Variants in EMILIN2 observed in about 807,000 individuals in gnomAD.
The protein encoded by EMILIN2 is elastin microfibril interfacer 2, also known as EMILIN-2.
Under a neutral mutation model 87.1 loss-of-function variants are expected in EMILIN2, and 71 were observed. The observed-to-expected ratio is 0.82, with a 90% CI of 0.67 to 0.99. The LOEUF (loss-of-function observed/expected upper bound fraction) is 0.99. EMILIN2 is among the 50% of genes least tolerant of loss of function. The pLI is 0.00. For synonymous variants in EMILIN2, 581 were observed against 563.4 expected, an observed-to-expected ratio of 1.03 and a Z score of -0.44; for missense variants, 1,407 against 1,371.8, an observed-to-expected ratio of 1.03 and a Z score of -0.40.
At chr18:2,907,116 C>G (rs1169503604) in intron 5 of EMILIN2, 31 bp downstream of exon 5, 2 of 1,230,718 alleles carry the variant, frequency 1.6e-6, no homozygotes, top group South Asian at 4.0e-5. Context: ...GGGAGGAGCG[C>G]GGGGCTCTCC....
At chr18:2,885,929 C>T (rs1253759582) in intron 3 of EMILIN2, among the ~76,000 whole-genome samples, 2 of 152,276 alleles carry the variant, frequency 1.3e-5, no homozygotes, top group Non-Finnish European at 2.9e-5. Flanking sequence ...GTTTGAAACT[C>T]GTAGTTCTTC....
At position 2,847,040 on chromosome 18, in the gene EMILIN2, C is replaced by G. The variant is rs928832391; in HGVS notation, c.-149C>G. 4 of 1,056,470 alleles carry G rather than the reference C, an allele frequency of 3.8e-6. No individual in the cohort carries two copies. Among genetic ancestry groups the G allele is most frequent in the Non-Finnish European group, 4.6e-6 (4 of 870,600 alleles). The allele number at this position is 1,056,470 out of a possible 1,614,324, so 65.4% of individuals were successfully genotyped here. A position where few individuals can be genotyped will look rare whatever the true frequency, so the allele number is the denominator to read the frequency against. ...AGTAGGAACGAGAAGCCGGAGGGGG[C>G]GGCCGCGGAGCACTGGTTGGAGCGC... On this transcript the variant is annotated 5_prime_UTR_variant, in exon 1 of 8. Transcript: ENST00000254528. The surrounding 1 kb of genome is among the most constrained non-coding windows in gnomAD (Gnocchi z 4.5).
At chr18:2,889,576 T>TC (rs926713829) in intron 3 of EMILIN2, among the ~76,000 whole-genome samples, 3 of 152,160 alleles carry the variant, frequency 2.0e-5, no homozygotes, top group East Asian at 1.9e-4. Context: ...TCACTATCAT[T>TC]CCCCCCTTAT....
Position 2,879,733 on chromosome 18 carries a change from T to C in EMILIN2, c.258-5231T>C, listed in dbSNP as rs564071414. Reference sequence around the variant, plus strand: ...TTTGATTGATTTATTTTTTGAGGTATGGTCTCTGTCGCCCAGGCTGGAGTG... The same window carrying C: ...TTTGATTGATTTATTTTTTGAGGTACGGTCTCTGTCGCCCAGGCTGGAGTG... On this transcript the variant is annotated intron_variant, in intron 2 of 7. Coordinates refer to ENST00000254528, the MANE Select transcript of EMILIN2 (RefSeq NM_032048.3). Among the ~76,000 whole-genome samples the C allele has an allele frequency of 7.3e-5, 11 of 151,478 alleles. 1 individual carries two copies. In the South Asian group the frequency reaches 2.3e-3, roughly 32 times the overall value.
At chr18:2,850,317 T>G (rs542061835) in intron 2 of EMILIN2, among the ~76,000 whole-genome samples, 1 of 152,148 alleles carries the variant, frequency 6.6e-6, no homozygotes, top group African/African-American at 2.4e-5. Context: ...GAGGAATGGC[T>G]GTTTCACATG....
rs59792106 is a variant in EMILIN2, at chr18:2,873,492, G to C, written c.258-11472G>C. Among the ~76,000 whole-genome samples the C allele has an allele frequency of 8.8e-3, 1,337 of 152,050 alleles. 18 individuals carry two copies. The highest frequency in any genetic ancestry group is 0.031 in the African/African-American group (1,275 of 41,396). ...GGAGGCCGAGGCGGGTGGATCACGA[G>C]GTCAGGAGATCGAGACCATCCTGGC... On this transcript the variant is annotated intron_variant, in intron 2 of 7. Coordinates refer to ENST00000254528, the MANE Select transcript of EMILIN2 (RefSeq NM_032048.3).
chr18:2,906,712 G>T, intron 4 of EMILIN2, 71 bp from the exon 5 acceptor site: 2 of 1,148,768 alleles, frequency 1.7e-6, no homozygotes, highest in Non-Finnish European at 2.2e-6. Flanking sequence ...CTCATGGAGG[G>T]GACCCTGACG....
At chr18:2,902,567 G>C (rs1432173645) in intron 4 of EMILIN2, among the ~76,000 whole-genome samples, 1 of 152,178 alleles carries the variant, frequency 6.6e-6, no homozygotes, top group Non-Finnish European at 1.5e-5. Flanking sequence ...CATGGTAAAG[G>C]CACGAAGCCA....
At position 2,880,429 on chromosome 18, in the gene EMILIN2, G is replaced by A. The variant is rs920093326; in HGVS notation, c.258-4535G>A. On this transcript the variant is annotated intron_variant, in intron 2 of 7. Coordinates refer to ENST00000254528, the MANE Select transcript of EMILIN2 (RefSeq NM_032048.3). This position sits in a 1 kb window ranked among gnomAD's most constrained non-coding sequence, Gnocchi z 4.1. ...CGGGCAAAGGAGACTTGGCTGGAAT[G>A]GGGGAGAGTTCACAGGGGCGAGGCG... Among the ~76,000 whole-genome samples the A allele has an allele frequency of 2.6e-5, 4 of 152,336 alleles. No homozygotes were observed. Among genetic ancestry groups the A allele is most frequent in the Admixed American group, 2.6e-4 (4 of 15,308 alleles).
At position 2,847,943 on chromosome 18, in the gene EMILIN2, A is replaced by T. The variant is rs1220578886; in HGVS notation, c.257+12A>T. Reference sequence around the variant, plus strand: ...CCGTCGGCGCTGGTGTAAGTCCTGGAGCCGGGGAGCGGGCGGGGCGCGCCC... The same window carrying T: ...CCGTCGGCGCTGGTGTAAGTCCTGGTGCCGGGGAGCGGGCGGGGCGCGCCC... On this transcript the variant is annotated intron_variant, in intron 2 of 7. Coordinates refer to ENST00000254528, the MANE Select transcript of EMILIN2 (RefSeq NM_032048.3). This position sits in a 1 kb window ranked among gnomAD's most constrained non-coding sequence, Gnocchi z 4.5. 1 of 1,578,334 alleles carries T rather than the reference A, an allele frequency of 6.3e-7. No individual in the cohort carries two copies. The highest frequency in any genetic ancestry group is 8.6e-7 in the Non-Finnish European group (1 of 1,161,862).
At chr18:2,861,058 TC>T (rs1365502723) in intron 2 of EMILIN2, among the ~76,000 whole-genome samples, 1 of 152,222 alleles carries the variant, frequency 6.6e-6, no homozygotes, top group Non-Finnish European at 1.5e-5. Context: ...TCTGTTCATA[TC>T]CTTTGCCACT....
chr18:2,869,042 A>G (rs1403880578), intron 2 of EMILIN2, among the ~76,000 whole-genome samples: 2 of 151,948 alleles, frequency 1.3e-5, no homozygotes, highest in Non-Finnish European at 2.9e-5. Flanking sequence ...ATTAGACCTG[A>G]GTTCTCTATA....
At chr18:2,875,341 C>T (rs1005129153) in intron 2 of EMILIN2, among the ~76,000 whole-genome samples, 19 of 152,154 alleles carry the variant, frequency 1.2e-4, no homozygotes, top group Admixed American at 2.6e-4. Flanking sequence ...TTCTCATGGC[C>T]GTGCCGTGGG....
chr18:2,890,630 G>T lies in EMILIN2; in HGVS notation c.503G>T (p.Trp168Leu), dbSNP rs779996112. 6.8e-6 allele frequency: 11 copies of T among 1,613,326 alleles called. No homozygotes were observed. The East Asian group carries it at 1.1e-4, about 16-fold the overall frequency. The change falls in exon 4 of 8, where the codon TGG (tryptophan) becomes TTG (leucine). Residue 168 changes from tryptophan to leucine, a missense_variant. Trp to Leu is a moderately conservative substitution (Grantham distance 61). Transcript: ENST00000254528. The surrounding 1 kb of genome is among the most constrained non-coding windows in gnomAD (Gnocchi z 4.7). ...LSPTGTAQPS[W>L]GVDPKEGPQE... ...CCAACTGGTACAGCACAACCAAGCTGGGGGGTAGATCCAAAAGAGGGGCCT... is the reference window on the plus strand; with the variant it reads ...CCAACTGGTACAGCACAACCAAGCTTGGGGGTAGATCCAAAAGAGGGGCCT...
chr18:2,857,896 G>A (rs748824445), intron 2 of EMILIN2, among the ~76,000 whole-genome samples: 1 of 152,148 alleles, frequency 6.6e-6, no homozygotes, highest in Non-Finnish European at 1.5e-5. Context: ...TGGGCAATGC[G>A]CCCTTTCCCA....
rs1488746704 is a variant in EMILIN2, at chr18:2,894,447, G to C, written c.2359+1961G>C. ...TCAGCTCCTCTATCTCTGGAATGTT[G>C]AGTAGAGGTCACAAGACCATGTATG... is the stretch of plus-strand genomic sequence containing the variant. On this transcript the variant is annotated intron_variant, in intron 4 of 7. Transcript: ENST00000254528. The surrounding 1 kb of genome is among the most constrained non-coding windows in gnomAD (Gnocchi z 5.0). Among the ~76,000 whole-genome samples the C allele has an allele frequency of 3.9e-5, 6 of 152,190 alleles. No homozygotes were observed. The highest frequency in any genetic ancestry group is 1.5e-5 in the Non-Finnish European group (1 of 68,036).
Position 2,884,990 on chromosome 18 carries a change from A to G in EMILIN2, c.284A>G (p.Tyr95Cys), listed in dbSNP as rs752731918. 5.0e-6 allele frequency: 8 copies of G among 1,608,240 alleles called. No individual in the cohort carries two copies. In the South Asian group the frequency reaches 8.9e-5, roughly 18 times the overall value. The change falls in exon 3 of 8, where the codon TAT becomes TGT. Residue 95 changes from tyrosine to cysteine, a missense_variant. Tyr to Cys is a radical substitution (Grantham distance 194). Transcript: ENST00000254528. ...LVYRVNFRPR[Y>C]VTRYKTVTQL... ...TATCGAGTGAACTTCAGACCTAGAT[A>G]TGTCACTAGGTATAAGACAGTGACA...
intron 2 of EMILIN2, among the ~76,000 whole-genome samples, chr18:2,858,783 C>A (rs1245637538): frequency 6.6e-6 from 1 of 150,710 alleles, no homozygotes; most frequent in Non-Finnish European, 1.5e-5. Context: ...TTACAGGTGC[C>A]TGCCACCATG....
At chr18:2,867,240 C>G (rs979094043) in intron 2 of EMILIN2, among the ~76,000 whole-genome samples, 1 of 152,052 alleles carries the variant, frequency 6.6e-6, no homozygotes, top group Non-Finnish European at 1.5e-5. Context: ...CTCTCTTTCT[C>G]TGTCTTGTGG....
Sources: gnomAD v4.1 joint callset for allele counts (sites outside exome capture counted in the v4.1 genomes callset) on GRCh38, gnomAD v4.1.1 for gene constraint, Gnocchi (gnomAD v3.1) non-coding constraint, MANE v1.5 for transcripts, NCBI Gene and HGNC (gene_info 2026-07-23, HGNC 2026-07-21) for gene names.